TPRN: variants seen among roughly 807,000 people sequenced by gnomAD.
TPRN encodes chromosome 9 open reading frame 75.
Under a neutral mutation model 42.6 loss-of-function variants are expected in TPRN, and 32 were observed. The observed-to-expected ratio is 0.75, with a 90% CI of 0.57 to 1.01. The LOEUF is 1.01. TPRN is among the 50% of genes least tolerant of loss of function. The probability of loss-of-function intolerance (pLI) is 0.00; values close to 1 mark genes in which losing one functional copy is unlikely to be tolerated. For missense variants in TPRN, 1,095 were observed against 957.5 expected (o/e 1.14, Z -1.90); for synonymous variants, 541 against 445.6 (o/e 1.21, Z -2.70).
At position 137,199,877 on chromosome 9, in the gene TPRN, C is replaced by A; in HGVS notation, c.835G>T (p.Ala279Ser). 1 of 1,544,052 alleles carries A rather than the reference C, an allele frequency of 6.5e-7. No homozygotes were observed. Among genetic ancestry groups the A allele is most frequent in the Admixed American group, 2.0e-5 (1 of 50,902 alleles). Residue 279 changes from alanine (A) to serine (S), a missense_variant, in exon 1 of 4, where the codon GCC becomes TCC. Transcript: ENST00000409012. ...ACGCACTGGCGCTGGCTAGGAGTGGCACTGGCAGGGGGTGAGGCTGGAGTG... is the reference window on the plus strand; with the variant it reads ...ACGCACTGGCGCTGGCTAGGAGTGGAACTGGCAGGGGGTGAGGCTGGAGTG... Reference protein sequence around the residue: ...SATPASPPASATPSQRQCVSA... With the variant: ...SATPASPPASSTPSQRQCVSA...
chr9:137,199,368 A>C lies in TPRN; in HGVS notation c.1344T>G (p.Tyr448Ter). 1.2e-6 allele frequency: 2 copies of C among 1,612,808 alleles called. No homozygotes were observed. Among genetic ancestry groups the C allele is most frequent in the Non-Finnish European group, 1.7e-6 (2 of 1,180,004 alleles). The change falls in exon 1 of 4, where the codon TAT (tyrosine) becomes TAG (stop). Residue 448 changes from tyrosine (Y) to a stop codon, truncating the protein, a stop_gained. Transcript: ENST00000409012. LOFTEE classifies it high-confidence loss of function. Reference sequence around the variant, plus strand: ...AGGTGACAGGCAGCCCCGGCCTCACATATTCCCGGCTATTCTTGGCCAAGC... The same window carrying C: ...AGGTGACAGGCAGCCCCGGCCTCACCTATTCCCGGCTATTCTTGGCCAAGC... ...VPGLAKNSRE[Y>*]VRPGLPVTFI...
At chr9:137,195,617 C>T (rs1192995080) in intron 1 of TPRN, among the ~76,000 whole-genome samples, 3 of 152,094 alleles carry the variant, frequency 2.0e-5, no homozygotes, top group Non-Finnish European at 2.9e-5. Context: ...GGAGTGGAGG[C>T]GGAAGTTGCA....
chr9:137,200,740 C>G lies in TPRN; in HGVS notation c.-29G>C, dbSNP rs1321381532. The G allele has an allele frequency of 1.1e-5, 12 of 1,092,916 alleles. No homozygotes were observed. The highest frequency in any genetic ancestry group is 1.3e-5 in the Non-Finnish European group (12 of 897,742). 67.7% of individuals were successfully genotyped at this position (1,092,916 alleles called of 1,614,324 possible). A position where few individuals can be genotyped will look rare whatever the true frequency, so the allele number is the denominator to read the frequency against. On this transcript the variant is annotated 5_prime_UTR_variant, in exon 1 of 4. Transcript: ENST00000409012. The surrounding 1 kb of genome is among the most constrained non-coding windows in gnomAD (Gnocchi z 4.3). ...GCGAACGCGGCAGCGGACGGCTGGA[C>G]TGAGGGCCGGAGTGGCAGCCGCCGC...
intron 1 of TPRN, among the ~76,000 whole-genome samples, chr9:137,198,161 C>T (rs1228119391): frequency 6.6e-6 from 1 of 152,200 alleles, no homozygotes; most frequent in Non-Finnish European, 1.5e-5. Flanking sequence ...CCCCTCAGTC[C>T]CCAGGAAAGG....
intron 1 of TPRN, 142 bp downstream of exon 1, chr9:137,198,845 A>C: frequency 6.5e-7 from 1 of 1,527,184 alleles, no homozygotes; most frequent in Non-Finnish European, 8.8e-7. Flanking sequence ...CGGCCCACCC[A>C]GCCCCAGCTC....
Position 137,200,582 on chromosome 9 carries a change from G to T in TPRN, c.130C>A (p.Pro44Thr), listed in dbSNP as rs999227405. 2 of 1,151,126 alleles carry T rather than the reference G, an allele frequency of 1.7e-6. No homozygotes were observed. Among genetic ancestry groups the T allele is most frequent in the Non-Finnish European group, 2.1e-6 (2 of 940,058 alleles). The allele number at this position is 1,151,126 out of a possible 1,614,324, so 71.3% of individuals were successfully genotyped here. The change falls in exon 1 of 4, where the codon CCC becomes ACC. Residue 44 changes from proline (P) to threonine (T), a missense_variant. By Grantham distance (38) the Pro-to-Thr change is conservative (BLOSUM62 -1). Transcript: ENST00000409012. The surrounding 1 kb of genome is among the most constrained non-coding windows in gnomAD (Gnocchi z 4.3). The stretch of plus-strand genomic sequence containing the variant: ...CTCTCGGCCAGCACCCGCTGCTCGG[G>T]CTCCGCCGCCCCGGGCCCCGCGCCC... Reference protein sequence around the residue: ...GGGAGPGAAEPEQRVLAESLG... With the variant: ...GGGAGPGAAETEQRVLAESLG...
rs1834645133 is a variant in TPRN at position 137,192,671 on chromosome 9, G to A, written c.1746C>T (p.Asp582=). The A allele has an allele frequency of 2.5e-6, 4 of 1,613,842 alleles. No homozygotes were observed. The highest frequency in any genetic ancestry group is 3.4e-6 in the Non-Finnish European group (4 of 1,179,982). Reference sequence around the variant, plus strand: ...ACTCAAATGTGGTCTGCAGGCTTTTGTCGTTGAAGGAGATCTTCATCTGGG... The same window carrying A: ...ACTCAAATGTGGTCTGCAGGCTTTTATCGTTGAAGGAGATCTTCATCTGGG... ...SRKKMKISFN[D]KSLQTTFEYP... The change falls in exon 2 of 4, where the codon GAC becomes GAT. Residue 582 remains aspartate (D), a synonymous_variant. Coordinates refer to ENST00000409012, the MANE Select transcript of TPRN (RefSeq NM_001128228.3).
rs551171244 is a variant in TPRN, at chr9:137,191,953, C to A, written c.*159G>T. On this transcript the variant is annotated 3_prime_UTR_variant, in exon 4 of 4. Coordinates refer to ENST00000409012, the MANE Select transcript of TPRN (RefSeq NM_001128228.3). ...GGGGAGTGAGACCCAGACCTGGCCC[C>A]GATGGCAGGAGGCACCCTAGCTGCT... The A allele has an allele frequency of 1.7e-5, 15 of 896,296 alleles. No individual in the cohort carries two copies. The highest frequency in any genetic ancestry group is 3.3e-5 in the African/African-American group (2 of 60,852). 55.5% of individuals were successfully genotyped at this position (896,296 alleles called of 1,614,324 possible).
rs1334384445 is a variant in TPRN at position 137,200,636 on chromosome 9, T to G, written c.76A>C (p.Lys26Gln). 8.3e-7 allele frequency: 1 copy of G among 1,201,696 alleles called. No individual in the cohort carries two copies. The highest frequency in any genetic ancestry group is 1.0e-6 in the Non-Finnish European group (1 of 964,016). The allele number at this position is 1,201,696 out of a possible 1,614,324, so 74.4% of individuals were successfully genotyped here. ...CCCAGCGCGGCTAGCTTGGCCCGCT[T>G]CCGCTCCAGGATCTCACGCTTCCAA... ...PAWKREILERKRAKLAALGGG... is the reference protein window; with the variant it reads ...PAWKREILERQRAKLAALGGG... Residue 26 changes from lysine (K) to glutamine (Q), a missense_variant, in exon 1 of 4, where the codon AAG becomes CAG. By Grantham distance (53) the Lys-to-Gln change is moderately conservative. Transcript: ENST00000409012. The surrounding 1 kb of genome is among the most constrained non-coding windows in gnomAD (Gnocchi z 4.3).
intron 1 of TPRN, among the ~76,000 whole-genome samples, chr9:137,195,728 G>C (rs945618218): frequency 6.6e-6 from 1 of 152,198 alleles, no homozygotes; most frequent in Non-Finnish European, 1.5e-5. Context: ...GAGGGGAGTA[G>C]GGCAGAGGGG....
chr9:137,199,708 G>C lies in TPRN; in HGVS notation c.1004C>G (p.Pro335Arg), dbSNP rs1834769600. 6.2e-7 allele frequency: 1 copy of C among 1,611,166 alleles called. No individual in the cohort carries two copies. Among genetic ancestry groups the C allele is most frequent in the Non-Finnish European group, 8.5e-7 (1 of 1,179,374 alleles). The change falls in exon 1 of 4, where the codon CCC (proline) becomes CGC (arginine). Residue 335 changes from proline (P) to arginine (R), a missense_variant. Transcript: ENST00000409012. ...ANSRNSFMVI[P>R]KSKASGAPPP... The stretch of plus-strand genomic sequence containing the variant: ...AGGAGCCCCGGAGGCCTTGCTCTTG[G>C]GGATGACCATGAAAGAATTTCGAGA...
At chr9:137,194,099 C>A (rs1048402871) in intron 1 of TPRN, 1 of 152,460 alleles carries the variant, frequency 6.6e-6, no homozygotes, top group Admixed American at 6.5e-5. Context: ...TGCACCCCTA[C>A]CCCAGGCCCC....
chr9:137,200,499 G>T lies in TPRN; in HGVS notation c.213C>A (p.Gly71=). Residue 71 remains glycine (G), a synonymous_variant, in exon 1 of 4, where the codon GGC becomes GGA. Coordinates refer to ENST00000409012, the MANE Select transcript of TPRN (RefSeq NM_001128228.3). The surrounding 1 kb of genome is among the most constrained non-coding windows in gnomAD (Gnocchi z 4.3). ...GCAGCCGCGCCCCCGCCGCGCCCCC[G>T]CCGCGCCGCCGCTCGGCCTCCAGCA... ...FMLLEAERRR[G]GGAAGARLLE... is the part of the protein sequence containing the mutation. The T allele has an allele frequency of 8.7e-7, 1 of 1,146,236 alleles. No homozygotes were observed. The allele number at this position is 1,146,236 out of a possible 1,614,324, so 71.0% of individuals were successfully genotyped here. A position where few individuals can be genotyped will look rare whatever the true frequency, so the allele number is the denominator to read the frequency against.
At position 137,200,692 on chromosome 9, in the gene TPRN, G is replaced by C. The variant is rs1015524990; in HGVS notation, c.20C>G (p.Pro7Arg). The C allele has an allele frequency of 1.7e-6, 2 of 1,206,160 alleles. No individual in the cohort carries two copies. Among genetic ancestry groups the C allele is most frequent in the Admixed American group, 3.6e-5 (1 of 27,818 alleles). The allele number at this position is 1,206,160 out of a possible 1,614,324, so 74.7% of individuals were successfully genotyped here. Residue 7 changes from proline to arginine, a missense_variant, in exon 1 of 4, where the codon CCG becomes CGG. By Grantham distance (103) the Pro-to-Arg change is moderately radical (BLOSUM62 -2). Transcript: ENST00000409012. This position sits in a 1 kb window ranked among gnomAD's most constrained non-coding sequence, Gnocchi z 4.3. Reference sequence around the variant, plus strand: ...CACCGCAGCGCGCGGCCCCGAGCCCGGCCGCCCCAGGGCGGCCATGCTGCG... The same window carrying C: ...CACCGCAGCGCGCGGCCCCGAGCCCCGCCGCCCCAGGGCGGCCATGCTGCG... MAALGR[P>R]GSGPRAAVPA... is the part of the protein sequence containing the mutation.
rs1834626550 is a variant in TPRN at position 137,192,056 on chromosome 9, C to G, written c.*56G>C. ...CGGGTGCAGTAGTCCCTGGCTACTG[C>G]CCAGCTTCCGGGACTCCCACAGCTG... On this transcript the variant is annotated 3_prime_UTR_variant, in exon 4 of 4. Transcript: ENST00000409012. 2 of 1,599,218 alleles carry G rather than the reference C, an allele frequency of 1.3e-6. No individual in the cohort carries two copies. The highest frequency in any genetic ancestry group is 1.7e-6 in the Non-Finnish European group (2 of 1,175,072).
At position 137,199,309 on chromosome 9, in the gene TPRN, TG is replaced by T. The variant is rs760851760; in HGVS notation, c.1402del (p.Gln468LysfsTer75). On this transcript the variant is annotated frameshift_variant, in exon 1 of 4. Coordinates refer to ENST00000409012, the MANE Select transcript of TPRN (RefSeq NM_001128228.3). LOFTEE classifies it high-confidence loss of function. ...IDEVDSEEAP[Q>X]AAKLPYLPHP... ...CGGGAGGTAGGGTAGTTTGGCTGCT[TG>T]GGGGGCCTCCTCCGAGTCTACCTCA... is the stretch of plus-strand genomic sequence containing the variant. 6.2e-7 allele frequency: 1 copy of T among 1,612,348 alleles called. No individual in the cohort carries two copies. The highest frequency in any genetic ancestry group is 8.5e-7 in the Non-Finnish European group (1 of 1,179,918).
intron 3 of TPRN, 33 bp downstream of exon 3, chr9:137,192,218 GTGTCAGAC>G: frequency 6.2e-7 from 1 of 1,613,332 alleles, no homozygotes; most frequent in South Asian, 1.1e-5. Flanking sequence ...GCTCGCCCGG[GTGTCAGAC>G]TCCCCCCAGC....
chr9:137,198,139 C>T (rs1174139893), intron 1 of TPRN, among the ~76,000 whole-genome samples: 1 of 152,206 alleles, frequency 6.6e-6, no homozygotes, highest in African/African-American at 2.4e-5. Context: ...AAGGGAGGCG[C>T]CCCAGGCGCC....
At chr9:137,192,994 A>G (rs1834649866) in intron 1 of TPRN, 1 of 448,446 alleles carries the variant, frequency 2.2e-6, no homozygotes, top group Non-Finnish European at 4.1e-6. Context: ...TGGAGCTACC[A>G]TCTCAGGCCC....
Sources: allele counts gnomAD v4.1 joint callset (sites outside exome capture counted in the v4.1 genomes callset), GRCh38; gene constraint gnomAD v4.1.1; non-coding constraint Gnocchi (gnomAD v3.1); transcripts MANE v1.5; gene names NCBI Gene and HGNC (gene_info 2026-07-23, HGNC 2026-07-21).